AIRE: variants seen among roughly 807,000 people sequenced by gnomAD.
The protein encoded by AIRE is autoimmune regulator.
AIRE carries 52 observed loss-of-function variants against 62.1 expected under a neutral mutation model. That is an observed-to-expected ratio of 0.84 (90% CI 0.67 to 1.06). The LOEUF (loss-of-function observed/expected upper bound fraction) is 1.06, where lower values mean the gene tolerates loss of function less well. Ranked by LOEUF, AIRE falls within the 50% of genes least tolerant of loss-of-function variation. The pLI is 0.00. For missense variants in AIRE, 774 were observed against 755.8 expected (o/e 1.02, Z -0.28); for synonymous variants, 342 against 321.6 (o/e 1.06, Z -0.68).
chr21:44,289,877 A>G (rs1601966758), intron 6 of AIRE, 75 bp downstream of exon 6: 1 of 1,607,794 alleles, frequency 6.2e-7, no homozygotes, highest in East Asian at 2.2e-5. Flanking sequence ...CCTCTGGGGG[A>G]GTGGCTCTGC....
intron 9 of AIRE, 62 bp from the exon 10 acceptor site, chr21:44,292,931 G>C: frequency 6.5e-7 from 1 of 1,533,928 alleles, no homozygotes; most frequent in Non-Finnish European, 9.0e-7. Flanking sequence ...AGCAGTCACT[G>C]ACTCCTGGGT....
chr21:44,286,239 CCCT>C lies in AIRE; in HGVS notation c.132+104_132+106del. 1 of 1,313,444 alleles carries C rather than the reference CCCT, an allele frequency of 7.6e-7. No homozygotes were observed. The highest frequency in any genetic ancestry group is 1.1e-6 in the Non-Finnish European group (1 of 949,540). 81.4% of individuals were successfully genotyped at this position (1,313,444 alleles called of 1,614,324 possible). ...ACCCCGCCCCTCCAGATCCCCAAGC[CCCT>C]CCAGCCTTCCCCAACTCCCTCCCCA... On this transcript the variant is annotated intron_variant, in intron 1 of 13. Transcript: ENST00000291582. The surrounding 1 kb of genome is among the most constrained non-coding windows in gnomAD (Gnocchi z 6.0).
chr21:44,292,452 A>T (rs2040552599), intron 9 of AIRE, 51 bp downstream of exon 9: 2 of 1,308,410 alleles, frequency 1.5e-6, no homozygotes, highest in African/African-American at 1.6e-5. Context: ...CCACATGGCC[A>T]CGCCCCCTCC....
intron 13 of AIRE, 79 bp downstream of exon 13, chr21:44,296,524 G>A (rs2040610053): frequency 2.2e-6 from 3 of 1,368,988 alleles, no homozygotes; most frequent in Non-Finnish European, 1.0e-6. Flanking sequence ...CCCCACTCTG[G>A]GGGAGGACTG....
chr21:44,297,355 A>G lies in AIRE; in HGVS notation c.1567-301A>G, dbSNP rs1466191548. On this transcript the variant is annotated intron_variant, in intron 13 of 13. Coordinates refer to ENST00000291582, the MANE Select transcript of AIRE (RefSeq NM_000383.4). The surrounding 1 kb of genome is among the most constrained non-coding windows in gnomAD (Gnocchi z 4.8). Reference sequence around the variant, plus strand: ...ACCCGAGGAGGCAGAACTGCCATGAACTGCCATGGGGATGTGCCCTGGGCT... The same window carrying G: ...ACCCGAGGAGGCAGAACTGCCATGAGCTGCCATGGGGATGTGCCCTGGGCT... Among the ~76,000 whole-genome samples the G allele has an allele frequency of 7.0e-6, 1 of 143,690 alleles. No homozygotes were observed. Among genetic ancestry groups the G allele is most frequent in the Non-Finnish European group, 1.5e-5 (1 of 65,056 alleles). The allele number at this position is 143,690 out of a possible 152,430, so 94.3% of individuals were successfully genotyped here. A position where few individuals can be genotyped will look rare whatever the true frequency, so the allele number is the denominator to read the frequency against.
rs1230868463 is a variant in AIRE at position 44,296,462 on chromosome 21, C to T, written c.1566+17C>T. On this transcript the variant is annotated intron_variant, in intron 13 of 13. Transcript: ENST00000291582. ...CTGAGCGAGGTAACGCCTCCCCTGG[C>T]CTCCTGGTGCTCCTCCACTCCCCCT... 1 of 1,608,414 alleles carries T rather than the reference C, an allele frequency of 6.2e-7. No homozygotes were observed. Among genetic ancestry groups the T allele is most frequent in the South Asian group, 1.1e-5 (1 of 90,984 alleles).
intron 5 of AIRE, chr21:44,289,206 A>C (rs1207019351): frequency 3.1e-5 from 6 of 192,248 alleles, no homozygotes; most frequent in Admixed American, 5.4e-5. Flanking sequence ...TCCAGGGAAG[A>C]ATCCTTCCTT....
chr21:44,298,137 A>C lies in AIRE; in HGVS notation c.*410A>C. 4.1e-6 allele frequency: 1 copy of C among 246,860 alleles called. No homozygotes were observed. The highest frequency in any genetic ancestry group is 4.8e-5 in the South Asian group (1 of 20,770). 15.3% of individuals were successfully genotyped at this position (246,860 alleles called of 1,614,324 possible). A position where few individuals can be genotyped will look rare whatever the true frequency, so the allele number is the denominator to read the frequency against. ...GCAAGAGTGAGACTCCGTCTCAAAA[A>C]CAAAACAAAACAAAAAAACCACATA... On this transcript the variant is annotated 3_prime_UTR_variant, in exon 14 of 14. Transcript: ENST00000291582.
Position 44,287,658 on chromosome 21 carries a change from C to T in AIRE, c.538+67C>T. ...AGGGGCAAGGGGTCAGGGGTCAGAGCAGGGCCTGCCCTCTGAGACCCTGTC... is the reference window on the plus strand; with the variant it reads ...AGGGGCAAGGGGTCAGGGGTCAGAGTAGGGCCTGCCCTCTGAGACCCTGTC... On this transcript the variant is annotated intron_variant, in intron 4 of 13. Coordinates refer to ENST00000291582, the MANE Select transcript of AIRE (RefSeq NM_000383.4). The surrounding 1 kb of genome is among the most constrained non-coding windows in gnomAD (Gnocchi z 4.3). The T allele has an allele frequency of 6.9e-7, 1 of 1,457,224 alleles. No individual in the cohort carries two copies. The highest frequency in any genetic ancestry group is 9.4e-7 in the Non-Finnish European group (1 of 1,064,170). The allele number at this position is 1,457,224 out of a possible 1,614,324, so 90.3% of individuals were successfully genotyped here.
At position 44,291,084 on chromosome 21, in the gene AIRE, G is replaced by C; in HGVS notation, c.880-11G>C. Reference sequence around the variant, plus strand: ...AGCCCAGTCTGCATGGGCGTCTCTTGCCTGTGCCAGAAGAATGAGGACGAG... The same window carrying C: ...AGCCCAGTCTGCATGGGCGTCTCTTCCCTGTGCCAGAAGAATGAGGACGAG... On this transcript the variant is annotated splice_polypyrimidine_tract_variant and intron_variant, in intron 7 of 13. Coordinates refer to ENST00000291582, the MANE Select transcript of AIRE (RefSeq NM_000383.4). 6.2e-7 allele frequency: 1 copy of C among 1,613,152 alleles called. No homozygotes were observed. The highest frequency in any genetic ancestry group is 8.5e-7 in the Non-Finnish European group (1 of 1,179,818).
chr21:44,287,726 G>A lies in AIRE; in HGVS notation c.538+135G>A, dbSNP rs151083841. The A allele has an allele frequency of 9.9e-3, 9,418 of 951,476 alleles. 75 individuals are homozygous for A. Among genetic ancestry groups the A allele is most frequent in the Middle Eastern group, 0.018 (59 of 3,198 alleles). 58.9% of individuals were successfully genotyped at this position (951,476 alleles called of 1,614,324 possible). ...GCTGGCCTGGTGTGTCATTCCAAGG[G>A]CCTAAGCTGCACCACCAGACCCAGG... is the stretch of plus-strand genomic sequence containing the variant. On this transcript the variant is annotated intron_variant, in intron 4 of 13. Transcript: ENST00000291582. This position sits in a 1 kb window ranked among gnomAD's most constrained non-coding sequence, Gnocchi z 4.3.
intron 10 of AIRE, 132 bp from the exon 11 acceptor site, chr21:44,293,657 G>T: frequency 2.1e-6 from 3 of 1,433,630 alleles, no homozygotes; most frequent in Non-Finnish European, 2.8e-6. Context: ...GGCACCGTGA[G>T]GCTCCTCACT....
At chr21:44,289,325 C>G (rs373621797) in intron 5 of AIRE, 1 of 359,684 alleles carries the variant, frequency 2.8e-6, no homozygotes. Flanking sequence ...CTGTCTCCCA[C>G]GTGTCCTCTT....
In AIRE at chr21:44,286,452, G is replaced by T; in HGVS notation, c.133-105G>T. Reference sequence around the variant, plus strand: ...AGATGGGCGTGGAGCTGTCCAGGTCGCCAGCGCCTCTGCCTGGGAGCTCCA... The same window carrying T: ...AGATGGGCGTGGAGCTGTCCAGGTCTCCAGCGCCTCTGCCTGGGAGCTCCA... On this transcript the variant is annotated intron_variant, in intron 1 of 13. Transcript: ENST00000291582. This position sits in a 1 kb window ranked among gnomAD's most constrained non-coding sequence, Gnocchi z 6.0. 3 of 1,304,186 alleles carry T rather than the reference G, an allele frequency of 2.3e-6. No individual in the cohort carries two copies. Among genetic ancestry groups the T allele is most frequent in the Non-Finnish European group, 3.2e-6 (3 of 939,450 alleles). 80.8% of individuals were successfully genotyped at this position (1,304,186 alleles called of 1,614,324 possible). A position where few individuals can be genotyped will look rare whatever the true frequency, so the allele number is the denominator to read the frequency against.
chr21:44,288,285 A>C, intron 4 of AIRE, 60 bp from the exon 5 acceptor site: 8 of 1,323,614 alleles, frequency 6.0e-6, no homozygotes, highest in Non-Finnish European at 8.7e-6. Context: ...TCTGGCATAG[A>C]GTATGTGCTT....
chr21:44,288,634 T>C, intron 5 of AIRE, 176 bp downstream of exon 5: 1 of 593,946 alleles, frequency 1.7e-6, no homozygotes, highest in Non-Finnish European at 3.0e-6. Context: ...AGCACTGAAG[T>C]CTCCCTGTCG....
At chr21:44,292,182 G>A in intron 8 of AIRE, 120 bp from the exon 9 acceptor site, 1 of 806,014 alleles carries the variant, frequency 1.2e-6, no homozygotes, top group Non-Finnish European at 2.1e-6. Context: ...TCTCTGCTGT[G>A]CCTCGGTTCC....
At position 44,287,180 on chromosome 21, in the gene AIRE, G is replaced by A. The variant is rs1425637329; in HGVS notation, c.463+47G>A. 4 of 1,605,802 alleles carry A rather than the reference G, an allele frequency of 2.5e-6. No individual in the cohort carries two copies. The highest frequency in any genetic ancestry group is 1.1e-5 in the South Asian group (1 of 90,900). Reference sequence around the variant, plus strand: ...CCAGCCAGGGTCTCCAGTCTTCCCGGGCTTCCCCGGGAGCCCACGCCCCCT... The same window carrying A: ...CCAGCCAGGGTCTCCAGTCTTCCCGAGCTTCCCCGGGAGCCCACGCCCCCT... On this transcript the variant is annotated intron_variant, in intron 3 of 13. Coordinates refer to ENST00000291582, the MANE Select transcript of AIRE (RefSeq NM_000383.4). This position sits in a 1 kb window ranked among gnomAD's most constrained non-coding sequence, Gnocchi z 4.3.
At chr21:44,290,931 G>C (rs1158871801) in intron 7 of AIRE, 164 bp from the exon 8 acceptor site, 17 of 1,611,860 alleles carry the variant, frequency 1.1e-5, no homozygotes, top group African/African-American at 2.7e-5. Flanking sequence ...GGAACAGGTG[G>C]TCAGGGCAGA....
Sources: gnomAD v4.1 joint callset for allele counts (sites outside exome capture counted in the v4.1 genomes callset) on GRCh38, gnomAD v4.1.1 for gene constraint, Gnocchi (gnomAD v3.1) non-coding constraint, MANE v1.5 for transcripts, NCBI Gene and HGNC (gene_info 2026-07-23, HGNC 2026-07-21) for gene names.